The following LAMA2 variants were observed in gnomAD, a reference collection of about 807,000 sequenced individuals.
LAMA2 encodes laminin subunit alpha-2.
In LAMA2, 269 loss-of-function variants were observed where a neutral mutation model predicts 364.8. That is an observed-to-expected ratio of 0.74 (90% CI 0.67 to 0.82). LAMA2 has a LOEUF of 0.82. Among genes scored for constraint, LAMA2 ranks in the 40% least tolerant of loss-of-function variants. LAMA2 has a pLI of 0.00. For synonymous variants in LAMA2, 1,379 were observed against 1,370.6 expected (o/e 1.01, Z -0.14); for missense variants, 3,807 against 3,873.2 (o/e 0.98, Z 0.45).
chr6:128,998,039 G>A (rs940352792), intron 1 of LAMA2, among the ~76,000 whole-genome samples: 1 of 152,050 alleles, frequency 6.6e-6, no homozygotes, highest in Non-Finnish European at 1.5e-5. Flanking sequence ...GAGTCAGAGA[G>A]CTGCACAGAT....
At chr6:129,351,839 T>C (rs1282895799) in intron 31 of LAMA2, among the ~76,000 whole-genome samples, 1 of 152,206 alleles carries the variant, frequency 6.6e-6, no homozygotes, top group Non-Finnish European at 1.5e-5. Context: ...TCAGTATTTG[T>C]ACTCTTTCAT....
At chr6:129,270,819 AT>A (rs1787881290) in intron 17 of LAMA2, 68 bp downstream of exon 17, 1 of 1,454,232 alleles carries the variant, frequency 6.9e-7, no homozygotes, top group Non-Finnish European at 9.6e-7. Flanking sequence ...TTCATAGCAA[AT>A]ATACACTTCC....
intron 12 of LAMA2, among the ~76,000 whole-genome samples, chr6:129,224,312 C>G (rs1784084881): frequency 6.6e-6 from 1 of 152,206 alleles, no homozygotes; most frequent in Non-Finnish European, 1.5e-5. Flanking sequence ...TTGACTACCT[C>G]TTTTCCTAAT....
chr6:129,283,986 T>C (rs1788917773), intron 18 of LAMA2, among the ~76,000 whole-genome samples: 1 of 152,094 alleles, frequency 6.6e-6, no homozygotes, highest in Admixed American at 6.6e-5. Context: ...ACAAAGGCAC[T>C]CAGGGAAGGG....
chr6:129,315,802 T>G lies in LAMA2; in HGVS notation c.3776T>G (p.Phe1259Cys). ...GGCAAACTCAAGTATGCAATCTATT[T>G]CGAGGCTCGGGAAGAAACAGGTTTC... ...YGGKLKYAIY[F>C]EAREETGFST... Residue 1259 changes from phenylalanine to cysteine, a missense_variant, in exon 26 of 65, where the codon TTC becomes TGC. By Grantham distance (205) the Phe-to-Cys change is radical (BLOSUM62 -2). Coordinates refer to ENST00000421865, the MANE Select transcript of LAMA2 (RefSeq NM_000426.4). 6.2e-7 allele frequency: 1 copy of G among 1,614,132 alleles called. No homozygotes were observed. The highest frequency in any genetic ancestry group is 8.5e-7 in the Non-Finnish European group (1 of 1,180,036).
Position 129,353,327 on chromosome 6 carries a change from T to C in LAMA2, c.4687T>C (p.Trp1563Arg). 1 of 1,614,022 alleles carries C rather than the reference T, an allele frequency of 6.2e-7. No individual in the cohort carries two copies. Among genetic ancestry groups the C allele is most frequent in the South Asian group, 1.1e-5 (1 of 91,066 alleles). ...AAGGAAGTGTGACGGCTGCAAGCAC[T>C]GGCATGCACGCGAGGGCTGGGAGTG... Reference protein sequence around the residue: ...TGRKCDGCKHWHAREGWECVF... With the variant: ...TGRKCDGCKHRHAREGWECVF... Residue 1563 changes from tryptophan to arginine, a missense_variant, in exon 32 of 65, where the codon TGG (tryptophan) becomes CGG (arginine). Coordinates refer to ENST00000421865, the MANE Select transcript of LAMA2 (RefSeq NM_000426.4).
chr6:129,463,029 G>C (rs905228852), intron 49 of LAMA2, among the ~76,000 whole-genome samples: 4 of 151,936 alleles, frequency 2.6e-5, no homozygotes, highest in African/African-American at 9.7e-5. Context: ...TTTTTCTCAT[G>C]CTTCTAAAAT....
chr6:129,252,248 A>G lies in LAMA2; in HGVS notation c.2049A>G (p.Arg683=), dbSNP rs779638806. The change falls in exon 14 of 65, where the codon AGA becomes AGG. Residue 683 remains arginine (R), a synonymous_variant. Coordinates refer to ENST00000421865, the MANE Select transcript of LAMA2 (RefSeq NM_000426.4). ...EFMTVLANLK[R]VLLQITYSFG... ...TGACAGTGCTTGCGAATTTGAAGAG[A>G]GTCCTCCTACAAATCACATACAGCT... The G allele has an allele frequency of 1.2e-5, 19 of 1,613,998 alleles. No homozygotes were observed. Among genetic ancestry groups the G allele is most frequent in the Non-Finnish European group, 1.4e-5 (17 of 1,179,916 alleles).
intron 2 of LAMA2, among the ~76,000 whole-genome samples, chr6:129,057,830 A>G (rs1417884748): frequency 6.6e-6 from 1 of 152,224 alleles, no homozygotes; most frequent in Non-Finnish European, 1.5e-5. Flanking sequence ...TGTTCCTCAT[A>G]GCAATGTGAT....
At chr6:129,077,636 G>T (rs1439237126) in intron 3 of LAMA2, among the ~76,000 whole-genome samples, 1 of 152,164 alleles carries the variant, frequency 6.6e-6, no homozygotes, top group Non-Finnish European at 1.5e-5. Context: ...GTTCGAATAT[G>T]TATTACAGAG....
chr6:129,116,770 C>A (rs1326726823), intron 4 of LAMA2, among the ~76,000 whole-genome samples: 5 of 151,906 alleles, frequency 3.3e-5, no homozygotes, highest in African/African-American at 4.8e-5. Flanking sequence ...AAATTAAGGA[C>A]TTGCAGGTTG....
chr6:129,038,691 G>C (rs1257360846), intron 1 of LAMA2, among the ~76,000 whole-genome samples: 1 of 152,000 alleles, frequency 6.6e-6, no homozygotes, highest in Non-Finnish European at 1.5e-5. Context: ...AAATTCCTAG[G>C]CCAAAGTCAC....
chr6:129,403,605 T>C (rs1303586500), intron 39 of LAMA2, among the ~76,000 whole-genome samples: 2 of 152,214 alleles, frequency 1.3e-5, no homozygotes, highest in African/African-American at 2.4e-5. Flanking sequence ...ATTTAAGATA[T>C]GTTGGTAGTA....
chr6:129,427,620 A>G, intron 40 of LAMA2, 132 bp from the exon 41 acceptor site: 1 of 719,300 alleles, frequency 1.4e-6, no homozygotes, highest in Admixed American at 2.0e-5. Context: ...ATGTGCTAAT[A>G]ATTTACAATT....
rs565280107 is a variant in LAMA2, at chr6:129,481,326, G to A, written c.7636G>A (p.Val2546Ile). 5.0e-6 allele frequency: 8 copies of A among 1,613,686 alleles called. No individual in the cohort carries two copies. Among genetic ancestry groups the A allele is most frequent in the Non-Finnish European group, 6.8e-6 (8 of 1,179,722 alleles). Residue 2546 changes from valine (V) to isoleucine (I), a missense_variant, in exon 55 of 65, where the codon GTA becomes ATA. Val to Ile is a conservative substitution (Grantham distance 29). Around this residue, in one of 3 missense-constraint regions of LAMA2, gnomAD observed 3,333 missense variants for 3,345.7 expected, o/e 1.00. Coordinates refer to ENST00000421865, the MANE Select transcript of LAMA2 (RefSeq NM_000426.4). ...FVELSPVPID[V>I]GTEINLSFST... ...GGAGCTCTCCCCTGTGCCAATTGATGTAGGAACAGAAATCAACCTGTCATT... is the reference window on the plus strand; with the variant it reads ...GGAGCTCTCCCCTGTGCCAATTGATATAGGAACAGAAATCAACCTGTCATT...
intron 55 of LAMA2, among the ~76,000 whole-genome samples, chr6:129,483,436 T>C (rs1784448781): frequency 6.6e-6 from 1 of 152,134 alleles, no homozygotes. Flanking sequence ...ATAAAGCCCA[T>C]ATGGAGAAAA....
chr6:129,415,828 A>G (rs940710964), intron 40 of LAMA2, among the ~76,000 whole-genome samples: 4 of 152,134 alleles, frequency 2.6e-5, no homozygotes, highest in Non-Finnish European at 5.9e-5. Flanking sequence ...CCTGCGTGAC[A>G]GAGCAAGACC....
intron 56 of LAMA2, among the ~76,000 whole-genome samples, chr6:129,487,549 C>A (rs139639966): frequency 2.0e-5 from 3 of 152,108 alleles, no homozygotes; most frequent in African/African-American, 7.2e-5. Flanking sequence ...TTAAATGCAA[C>A]GAGTATGAAT....
chr6:129,311,337 G>A (rs779149900), intron 22 of LAMA2, among the ~76,000 whole-genome samples: 34 of 152,012 alleles, frequency 2.2e-4, no homozygotes, highest in Non-Finnish European at 4.3e-4. Context: ...TAGCCAGGAC[G>A]GTCTCAATCT....
Sources: allele counts gnomAD v4.1 joint callset (sites outside exome capture counted in the v4.1 genomes callset), GRCh38; gene constraint gnomAD v4.1.1; regional missense constraint gnomAD v4.1.1; transcripts MANE v1.5; gene names NCBI Gene and HGNC (gene_info 2026-07-23, HGNC 2026-07-21).